KIAA1549: variants seen among roughly 807,000 people sequenced by gnomAD.
The protein encoded by KIAA1549 is UPF0606 protein KIAA1549.
In KIAA1549, 70 loss-of-function variants were observed where a neutral mutation model predicts 156.4. The ratio of observed to expected loss-of-function variants is 0.45; its 90% CI spans 0.37 to 0.55. The LOEUF (loss-of-function observed/expected upper bound fraction) is 0.55. Ranked by LOEUF, KIAA1549 falls within the 20% of genes least tolerant of loss-of-function variation. The probability of loss-of-function intolerance (pLI) is 0.00; values close to 1 mark genes in which losing one functional copy is unlikely to be tolerated. For missense variants in KIAA1549, 2,428 were observed against 2,540.9 expected (o/e 0.96, Z 0.96); for synonymous variants, 1,103 against 1,066.4 (o/e 1.03, Z -0.67).
At chr7:138,907,894 C>T (rs887398958) in intron 5 of KIAA1549, among the ~76,000 whole-genome samples, 27 of 152,144 alleles carry the variant, frequency 1.8e-4, no homozygotes, top group African/African-American at 6.5e-4. Context: ...CCCTGAGACA[C>T]ACACTAAAGT....
At chr7:138,864,475 G>A (rs935001613) in intron 15 of KIAA1549, among the ~76,000 whole-genome samples, 9 of 152,118 alleles carry the variant, frequency 5.9e-5, no homozygotes, top group African/African-American at 1.2e-4. Flanking sequence ...TTTTGCAGGC[G>A]AGACTATCAG....
At chr7:138,969,055 T>G (rs1162779095) in intron 1 of KIAA1549, among the ~76,000 whole-genome samples, 1 of 152,046 alleles carries the variant, frequency 6.6e-6, no homozygotes, top group Non-Finnish European at 1.5e-5. Flanking sequence ...ACCCAATAGT[T>G]ATCTTTTCTG....
chr7:138,973,662 T>C (rs1488812322), intron 1 of KIAA1549, among the ~76,000 whole-genome samples: 1 of 152,232 alleles, frequency 6.6e-6, no homozygotes, highest in East Asian at 1.9e-4. Flanking sequence ...GCTTTTTTTT[T>C]GTTTTAAGTT....
At chr7:138,872,428 C>G (rs1165726417) in intron 12 of KIAA1549, among the ~76,000 whole-genome samples, 1 of 150,598 alleles carries the variant, frequency 6.6e-6, no homozygotes, top group Admixed American at 6.6e-5. Context: ...AAAATATTAA[C>G]AGAGACTGAA....
chr7:138,913,147 T>C (rs1812217105), intron 2 of KIAA1549, among the ~76,000 whole-genome samples: 2 of 152,134 alleles, frequency 1.3e-5, no homozygotes, highest in Non-Finnish European at 2.9e-5. Context: ...GTGCTGGGAT[T>C]ATAGACGTGA....
rs780225608 is a variant in KIAA1549 at position 138,952,542 on chromosome 7, G to A, written c.187+28541C>T. ...TGCATATCAAATGGTGTTCATAAAG[G>A]TCACTCATCTCTACACAGTAGGAGC... On this transcript the variant is annotated intron_variant, in intron 1 of 19. Coordinates refer to ENST00000422774, the MANE Select transcript of KIAA1549 (RefSeq NM_001164665.2). Among the ~76,000 whole-genome samples, 23 of 152,156 alleles carry A rather than the reference G, an allele frequency of 1.5e-4. 1 individual carries two copies. Among genetic ancestry groups the A allele is most frequent in the Admixed American group, 6.5e-5 (1 of 15,280 alleles).
At chr7:138,948,281 A>G (rs1813391760) in intron 1 of KIAA1549, among the ~76,000 whole-genome samples, 2 of 152,202 alleles carry the variant, frequency 1.3e-5, no homozygotes, top group Non-Finnish European at 2.9e-5. Context: ...TCGGACACAG[A>G]GACAGACACA....
At chr7:138,908,898 A>T in intron 5 of KIAA1549, 93 bp downstream of exon 5, 1 of 1,484,104 alleles carries the variant, frequency 6.7e-7, no homozygotes. Context: ...CCGCCACTGG[A>T]GGGAATAAGA....
rs1201752539 is a variant in KIAA1549, at chr7:138,883,089, T to TAAAAAAAAAAAAAAAAA, written c.4033-1522_4033-1506dup. ...CAACATGGTGAAACCCCATCTCCCC[T>TAAAAAAAAAAAAAAAAA]AAAAAAAAAAAAAAAAAAAAAAAAA... On this transcript the variant is annotated intron_variant, in intron 10 of 19. Transcript: ENST00000422774. 1.1e-4 allele frequency among the ~76,000 whole-genome samples: 5 copies of TAAAAAAAAAAAAAAAAA among 47,064 alleles called. 2 individuals carry two copies. Among genetic ancestry groups the TAAAAAAAAAAAAAAAAA allele is most frequent in the African/African-American group, 4.3e-4 (5 of 11,540 alleles). The allele number at this position is 47,064 out of a possible 152,430, so 30.9% of individuals were successfully genotyped here.
chr7:138,840,860 T>C (rs12668833), intron 18 of KIAA1549, among the ~76,000 whole-genome samples: 105,934 of 152,022 alleles, frequency 0.7, 37,111 homozygotes, highest in East Asian at 0.91. Flanking sequence ...GCAACTGTTT[T>C]GGAAACACCC....
chr7:138,963,331 C>G (rs1309712174), intron 1 of KIAA1549, among the ~76,000 whole-genome samples: 1 of 152,196 alleles, frequency 6.6e-6, no homozygotes, highest in Non-Finnish European at 1.5e-5. Flanking sequence ...AAGTCACATG[C>G]GGAAAGCCAC....
intron 1 of KIAA1549, among the ~76,000 whole-genome samples, chr7:138,931,414 G>A (rs752030979): frequency 1.6e-4 from 25 of 152,302 alleles, no homozygotes; most frequent in African/African-American, 6.0e-4. Flanking sequence ...TCCAGTTCAT[G>A]ACTTGTTGTT....
intron 1 of KIAA1549, among the ~76,000 whole-genome samples, chr7:138,959,089 G>T (rs1022609965): frequency 2.6e-5 from 4 of 151,952 alleles, no homozygotes; most frequent in African/African-American, 9.7e-5. Flanking sequence ...TAATAGAGAC[G>T]GGGTTTCACC....
chr7:138,896,226 T>C (rs1200922324), intron 9 of KIAA1549, among the ~76,000 whole-genome samples: 1 of 152,248 alleles, frequency 6.6e-6, no homozygotes, highest in African/African-American at 2.4e-5. Flanking sequence ...TATGCTCCTT[T>C]CATACCCTAT....
rs1431478578 is a variant in KIAA1549, at chr7:138,917,603, A to T, written c.2023T>A (p.Ser675Thr). The T allele has an allele frequency of 1.2e-6, 2 of 1,613,852 alleles. No individual in the cohort carries two copies. Among genetic ancestry groups the T allele is most frequent in the African/African-American group, 2.7e-5 (2 of 74,916 alleles). The change falls in exon 2 of 20, where the codon TCT becomes ACT. Residue 675 changes from serine (S) to threonine (T), a missense_variant. Coordinates refer to ENST00000422774, the MANE Select transcript of KIAA1549 (RefSeq NM_001164665.2). ...PLVETFTLFD[S>T]SDLQSSQLSL... is the part of the protein sequence containing the mutation. ...AGCTGAGATGACTGCAGATCACTAG[A>T]GTCAAACAATGTAAATGTCTCAACC...
chr7:138,871,947 T>C (rs1237551051), intron 12 of KIAA1549, among the ~76,000 whole-genome samples: 1 of 152,240 alleles, frequency 6.6e-6, no homozygotes, highest in African/African-American at 2.4e-5. Flanking sequence ...AAAAAACCTG[T>C]TGCTTGCAGG....
intron 10 of KIAA1549, among the ~76,000 whole-genome samples, chr7:138,892,806 C>A (rs1047616388): frequency 1.3e-5 from 2 of 152,078 alleles, no homozygotes; most frequent in Non-Finnish European, 2.9e-5. Flanking sequence ...CAGAATTTTT[C>A]ATACCCAAGA....
chr7:138,833,116 T>C lies in KIAA1549; in HGVS notation c.*4790A>G. ...GCAAATGTGGATAAGCAGGCTCTAGTACTGGCGCTGGCACCTTGCTCCGGA... is the reference window on the plus strand; with the variant it reads ...GCAAATGTGGATAAGCAGGCTCTAGCACTGGCGCTGGCACCTTGCTCCGGA... On this transcript the variant is annotated 3_prime_UTR_variant, in exon 20 of 20. Coordinates refer to ENST00000422774, the MANE Select transcript of KIAA1549 (RefSeq NM_001164665.2). 2 of 232,446 alleles carry C rather than the reference T, an allele frequency of 8.6e-6. No individual in the cohort carries two copies. Among genetic ancestry groups the C allele is most frequent in the Non-Finnish European group, 1.7e-5 (2 of 117,570 alleles). 14.4% of individuals were successfully genotyped at this position (232,446 alleles called of 1,614,324 possible). A position where few individuals can be genotyped will look rare whatever the true frequency, so the allele number is the denominator to read the frequency against.
chr7:138,924,912 G>A (rs756380109), intron 1 of KIAA1549, among the ~76,000 whole-genome samples: 1 of 152,142 alleles, frequency 6.6e-6, no homozygotes, highest in Non-Finnish European at 1.5e-5. Context: ...GGGTGAGACG[G>A]GTGCTTCTCA....
Sources: gnomAD v4.1 joint callset for allele counts (sites outside exome capture counted in the v4.1 genomes callset) on GRCh38, gnomAD v4.1.1 for gene constraint, MANE v1.5 for transcripts, NCBI Gene and HGNC (gene_info 2026-07-23, HGNC 2026-07-21) for gene names.